ZNF235: variants seen among roughly 807,000 people sequenced by gnomAD.
ZNF235 encodes zinc finger protein 235.
Under a neutral mutation model 29.4 loss-of-function variants are expected in ZNF235, and 25 were observed. That is an observed-to-expected ratio of 0.85 (90% CI 0.62 to 1.19). ZNF235 has a LOEUF of 1.19. Ranked by LOEUF, ZNF235 falls within the 50% of genes most tolerant of loss-of-function variation. The pLI, the probability that ZNF235 is intolerant of heterozygous loss-of-function variation, is 0.00. For missense variants in ZNF235, 788 were observed against 885.0 expected (o/e 0.89, Z 1.39); for synonymous variants, 300 against 295.3 (o/e 1.02, Z -0.16).
intron 4 of ZNF235, chr19:44,297,256 C>T (rs1456233318): frequency 1.4e-4 from 27 of 192,124 alleles, no homozygotes; most frequent in Non-Finnish European, 2.2e-5. Flanking sequence ...CCACACCCTA[C>T]AATTACCCAA....
rs1470573375 is a variant in ZNF235 at position 44,288,029 on chromosome 19, C to A, written c.1406G>T (p.Ser469Ile). 1 of 1,614,006 alleles carries A rather than the reference C, an allele frequency of 6.2e-7. No individual in the cohort carries two copies. The stretch of plus-strand genomic sequence containing the variant: ...ATGACTATGAAGATTAAAGCTCAAA[C>A]TAAAGCACTTACCACACTCATCACA... Reference protein sequence around the residue: ...YKCDECGKCFSLSFNLHSHQR... With the variant: ...YKCDECGKCFILSFNLHSHQR... Residue 469 changes from serine (S) to isoleucine (I), a missense_variant, in exon 5 of 5, where the codon AGT becomes ATT. By Grantham distance (142) the Ser-to-Ile change is moderately radical (BLOSUM62 -2). Coordinates refer to ENST00000291182, the MANE Select transcript of ZNF235 (RefSeq NM_004234.4).
intron 4 of ZNF235, among the ~76,000 whole-genome samples, chr19:44,298,507 C>G (rs543382539): frequency 1.3e-5 from 2 of 152,188 alleles, no homozygotes; most frequent in African/African-American, 4.8e-5. Flanking sequence ...GCAATCCCCC[C>G]ATCTCAGCCT....
At chr19:44,300,966 A>T (rs1011812652) in intron 2 of ZNF235, among the ~76,000 whole-genome samples, 1 of 152,156 alleles carries the variant, frequency 6.6e-6, no homozygotes, top group African/African-American at 2.4e-5. Flanking sequence ...AGAGATTATA[A>T]GTATTCCCGA....
chr19:44,303,007 CGTAT>C (rs1599895038), intron 2 of ZNF235, among the ~76,000 whole-genome samples: 6 of 109,760 alleles, frequency 5.5e-5, no homozygotes, highest in East Asian at 4.7e-4. Flanking sequence ...TACATATATA[CGTAT>C]ATATTTATAT....
rs78117717 is a variant in ZNF235, at chr19:44,303,965, T to C, written c.-48-513A>G. Among the ~76,000 whole-genome samples, 1,129 of 152,306 alleles carry C rather than the reference T, an allele frequency of 7.4e-3. 11 individuals carry two copies. The highest frequency in any genetic ancestry group is 0.024 in the African/African-American group (978 of 41,566). On this transcript the variant is annotated intron_variant, in intron 1 of 4. Coordinates refer to ENST00000291182, the MANE Select transcript of ZNF235 (RefSeq NM_004234.4). The stretch of plus-strand genomic sequence containing the variant: ...CCTTTTGAGTATGCTTTCTAGAAAA[T>C]GAATCTTTTAAGAAACCCAGAACTC...
intron 2 of ZNF235, among the ~76,000 whole-genome samples, chr19:44,300,046 C>A (rs769312416): frequency 9.2e-5 from 14 of 152,264 alleles, no homozygotes; most frequent in Admixed American, 2.6e-4. Flanking sequence ...ATCCAACAGG[C>A]CTTCATAAAG....
intron 4 of ZNF235, 27 bp downstream of exon 4, chr19:44,298,781 C>T (rs2123103353): frequency 6.6e-7 from 1 of 1,512,794 alleles, no homozygotes; most frequent in African/African-American, 1.4e-5. Flanking sequence ...CAGCTGTTAA[C>T]TACGATTCCG....
chr19:44,287,921 T>C lies in ZNF235; in HGVS notation c.1514A>G (p.His505Arg), dbSNP rs778853717. 4 of 1,614,172 alleles carry C rather than the reference T, an allele frequency of 2.5e-6. No homozygotes were observed. The Admixed American group carries it at 6.7e-5, about 27-fold the overall frequency. Residue 505 changes from histidine to arginine, a missense_variant, in exon 5 of 5, where the codon CAT (histidine) becomes CGT (arginine). Transcript: ENST00000291182. ...GFSSASSFQS[H>R]QRVHTGEKPF... is the part of the protein sequence containing the mutation. Reference sequence around the variant, plus strand: ...TTTCTCTCCTGTATGGACCCTCTGATGGCTCTGGAAACTTGAGGCTGAACT... The same window carrying C: ...TTTCTCTCCTGTATGGACCCTCTGACGGCTCTGGAAACTTGAGGCTGAACT...
In ZNF235 at chr19:44,286,503, C is replaced by T. The variant is rs1244109749; in HGVS notation, c.*715G>A. On this transcript the variant is annotated 3_prime_UTR_variant, in exon 5 of 5. Transcript: ENST00000291182. ...CAGTATTGTTCAGTCTATAAACTGACACTAAAAATCATACTGTACACAACT... is the reference window on the plus strand; with the variant it reads ...CAGTATTGTTCAGTCTATAAACTGATACTAAAAATCATACTGTACACAACT... The T allele has an allele frequency of 6.6e-6, 1 of 152,110 alleles. No homozygotes were observed. Among genetic ancestry groups the T allele is most frequent in the Non-Finnish European group, 1.5e-5 (1 of 68,032 alleles). The allele number at this position is 152,110 out of a possible 1,614,324, so 9.4% of individuals were successfully genotyped here.
At position 44,302,549 on chromosome 19, in the gene ZNF235, C is replaced by CAG. The variant is rs1480889273; in HGVS notation, c.15+839_15+840dup. 2.0e-5 allele frequency among the ~76,000 whole-genome samples: 3 copies of CAG among 151,544 alleles called. No individual in the cohort carries two copies. The East Asian group carries it at 5.8e-4, about 29-fold the overall frequency. The stretch of plus-strand genomic sequence containing the variant: ...CCACGGCAGGAGGATCTCTTAAGCC[C>CAG]AGAAGTTCAAGACCAGCCTGGGAAA... On this transcript the variant is annotated intron_variant, in intron 2 of 4. Coordinates refer to ENST00000291182, the MANE Select transcript of ZNF235 (RefSeq NM_004234.4).
At chr19:44,301,848 G>A (rs1975742305) in intron 2 of ZNF235, among the ~76,000 whole-genome samples, 2 of 152,252 alleles carry the variant, frequency 1.3e-5, no homozygotes, top group Non-Finnish European at 2.9e-5. Context: ...TTCAATAAGT[G>A]TCTAAAGGTT....
rs367634634 is a variant in ZNF235 at position 44,287,630 on chromosome 19, T to C, written c.1805A>G (p.Asp602Gly). ...CTGACTGAATCGCTTCTGACATGCATCACACTTGAATGGTTTTTCCCCAGT... is the reference window on the plus strand; with the variant it reads ...CTGACTGAATCGCTTCTGACATGCACCACACTTGAATGGTTTTTCCCCAGT... ...VHTGEKPFKCDACQKRFSQAS... is the reference protein window; with the variant it reads ...VHTGEKPFKCGACQKRFSQAS... Residue 602 changes from aspartate to glycine, a missense_variant, in exon 5 of 5, where the codon GAT becomes GGT. Asp to Gly is a moderately conservative substitution (Grantham distance 94, BLOSUM62 -1). Coordinates refer to ENST00000291182, the MANE Select transcript of ZNF235 (RefSeq NM_004234.4). 2 of 1,613,940 alleles carry C rather than the reference T, an allele frequency of 1.2e-6. No individual in the cohort carries two copies. The highest frequency in any genetic ancestry group is 3.3e-5 in the Admixed American group (2 of 60,010).
At position 44,288,473 on chromosome 19, in the gene ZNF235, C is replaced by T; in HGVS notation, c.962G>A (p.Cys321Tyr). The T allele has an allele frequency of 1.2e-6, 2 of 1,614,194 alleles. No homozygotes were observed. Among genetic ancestry groups the T allele is most frequent in the East Asian group, 2.2e-5 (1 of 44,886 alleles). Residue 321 changes from cysteine (C) to tyrosine (Y), a missense_variant, in exon 5 of 5, where the codon TGT becomes TAT. By Grantham distance (194) the Cys-to-Tyr change is radical (BLOSUM62 -2). Transcript: ENST00000291182. ...ACTGAAACCTTTACCACATTCATGACACCAATAGCGTTTTTTCCCAGTACG... is the reference window on the plus strand; with the variant it reads ...ACTGAAACCTTTACCACATTCATGATACCAATAGCGTTTTTTCCCAGTACG... Reference protein sequence around the residue: ...SVRTGKKRYWCHECGKGFSQS... With the variant: ...SVRTGKKRYWYHECGKGFSQS...
chr19:44,288,836 T>C lies in ZNF235; in HGVS notation c.599A>G (p.Gln200Arg). 1.9e-6 allele frequency: 3 copies of C among 1,612,832 alleles called. No individual in the cohort carries two copies. The highest frequency in any genetic ancestry group is 2.5e-6 in the Non-Finnish European group (3 of 1,179,160). The change falls in exon 5 of 5, where the codon CAG becomes CGG. Residue 200 changes from glutamine to arginine, a missense_variant. Gln to Arg is a conservative substitution (Grantham distance 43). Coordinates refer to ENST00000291182, the MANE Select transcript of ZNF235 (RefSeq NM_004234.4). Reference protein sequence around the residue: ...ETQNYQRSCKQTQMKNKLCIF... With the variant: ...ETQNYQRSCKRTQMKNKLCIF... ...ACATAGTTTGTTTTTCATCTGAGTC[T>C]GCTTACAACTTCTCTGATAATTCTG...
Position 44,289,048 on chromosome 19 carries a change from CT to C in ZNF235, c.386del (p.Lys129ArgfsTer30). ...SQDSMINIEG[K>X]SSQFPKHHDS... ...CATGGTGCTTGGGGAACTGAGAGCT[CT>C]TTCCTTCAATATTTATCATGGAGTC... On this transcript the variant is annotated frameshift_variant, in exon 5 of 5. Transcript: ENST00000291182. LOFTEE classifies it low-confidence loss of function (END_TRUNC). 6.2e-7 allele frequency: 1 copy of C among 1,614,090 alleles called. No individual in the cohort carries two copies. Among genetic ancestry groups the C allele is most frequent in the Non-Finnish European group, 8.5e-7 (1 of 1,180,006 alleles).
intron 1 of ZNF235, chr19:44,304,747 T>C (rs1037824419): frequency 3.0e-6 from 3 of 985,276 alleles, no homozygotes; most frequent in Admixed American, 6.2e-5. Flanking sequence ...GGTAGGTGCG[T>C]GAGGACGGCT....
chr19:44,302,249 T>G (rs757426397), intron 2 of ZNF235, among the ~76,000 whole-genome samples: 1 of 152,102 alleles, frequency 6.6e-6, no homozygotes, highest in Non-Finnish European at 1.5e-5. Flanking sequence ...AGAAGTTACA[T>G]GGGGAAAAAC....
intron 2 of ZNF235, among the ~76,000 whole-genome samples, chr19:44,302,072 C>T (rs974405450): frequency 3.9e-5 from 6 of 152,130 alleles, no homozygotes; most frequent in Admixed American, 6.5e-5. Flanking sequence ...AAATCTAGCT[C>T]GTTTGAAACT....
In ZNF235 at chr19:44,288,096, G is replaced by A. The variant is rs758676146; in HGVS notation, c.1339C>T (p.His447Tyr). Residue 447 changes from histidine to tyrosine, a missense_variant, in exon 5 of 5, where the codon CAT becomes TAT. Coordinates refer to ENST00000291182, the MANE Select transcript of ZNF235 (RefSeq NM_004234.4). ...GKRFSCSSNLHTHQRVHTEEK... is the reference protein window; with the variant it reads ...GKRFSCSSNLYTHQRVHTEEK... ...TCAGTGTGGACTCTCTGATGGGTAT[G>A]AAGATTTGAGCTACAACTAAAGCGT... The A allele has an allele frequency of 1.2e-6, 2 of 1,614,152 alleles. No homozygotes were observed. Among genetic ancestry groups the A allele is most frequent in the Admixed American group, 3.3e-5 (2 of 60,016 alleles).
Sources: gnomAD v4.1 joint callset for allele counts (sites outside exome capture counted in the v4.1 genomes callset) on GRCh38, gnomAD v4.1.1 for gene constraint, MANE v1.5 for transcripts, NCBI Gene and HGNC (gene_info 2026-07-23, HGNC 2026-07-21) for gene names.